The following FHIP1A variants were observed in gnomAD, a reference collection of about 807,000 sequenced individuals.
FHIP1A encodes FHF complex subunit HOOK-interacting protein 1A.
Under a neutral mutation model 88.6 loss-of-function variants are expected in FHIP1A, and 61 were observed. The ratio of observed to expected loss-of-function variants is 0.69; its 90% confidence interval spans 0.56 to 0.85. FHIP1A has a LOEUF of 0.85. Ranked by LOEUF, FHIP1A falls within the 40% of genes least tolerant of loss-of-function variation. The pLI is 0.00. For synonymous variants in FHIP1A, 478 were observed against 496.0 expected, an observed-to-expected ratio of 0.96 and a Z score of 0.48; for missense variants, 1,154 against 1,273.5, an observed-to-expected ratio of 0.91 and a Z score of 1.43.
chr4:151,611,275 T>A (rs148938358), intron 7 of FHIP1A, among the ~76,000 whole-genome samples: 21 of 152,246 alleles, frequency 1.4e-4, no homozygotes, highest in Middle Eastern at 3.4e-3. Flanking sequence ...TGGTACCCAG[T>A]AGGTGCTCTA....
chr4:151,514,187 T>G (rs1406416159), intron 3 of FHIP1A, among the ~76,000 whole-genome samples: 1 of 152,104 alleles, frequency 6.6e-6, no homozygotes. Flanking sequence ...ACTGAACAAC[T>G]TGCTCCTGAA....
intron 8 of FHIP1A, among the ~76,000 whole-genome samples, chr4:151,638,350 TGA>T (rs1209841696): frequency 8.0e-5 from 12 of 149,930 alleles, no homozygotes; most frequent in East Asian, 1.9e-4. Flanking sequence ...TGTGTGTATG[TGA>T]GAGAGAGAGA....
At chr4:151,417,956 G>A (rs929360693) in intron 1 of FHIP1A, among the ~76,000 whole-genome samples, 2 of 151,956 alleles carry the variant, frequency 1.3e-5, no homozygotes, top group Admixed American at 1.3e-4. Context: ...GATTGCTTGA[G>A]GCCAGAAGTT....
At chr4:151,552,001 CA>C (rs1732754020) in intron 3 of FHIP1A, among the ~76,000 whole-genome samples, 1 of 152,080 alleles carries the variant, frequency 6.6e-6, no homozygotes, top group Non-Finnish European at 1.5e-5. Context: ...ACAACCCCAT[CA>C]AAAGGTGGGA....
intron 2 of FHIP1A, among the ~76,000 whole-genome samples, 182 bp from the exon 3 acceptor site, chr4:151,482,342 G>T (rs1432878268): frequency 6.6e-6 from 1 of 151,916 alleles, no homozygotes; most frequent in Non-Finnish European, 1.5e-5. Flanking sequence ...CTAGCATTCA[G>T]ATTTCTAAAT....
At chr4:151,431,386 C>T (rs1208057520) in intron 1 of FHIP1A, among the ~76,000 whole-genome samples, 2 of 152,100 alleles carry the variant, frequency 1.3e-5, no homozygotes, top group Non-Finnish European at 2.9e-5. Flanking sequence ...CTTACATTTG[C>T]ATTAAGCCCC....
intron 1 of FHIP1A, among the ~76,000 whole-genome samples, chr4:151,416,370 A>G (rs1411838094): frequency 6.6e-6 from 1 of 152,122 alleles, no homozygotes; most frequent in Non-Finnish European, 1.5e-5. Flanking sequence ...GTTTGTGTTC[A>G]TGGAACTTTT....
chr4:151,461,085 G>C (rs552888604), intron 2 of FHIP1A, among the ~76,000 whole-genome samples: 2 of 152,210 alleles, frequency 1.3e-5, no homozygotes, highest in Non-Finnish European at 1.5e-5. Flanking sequence ...AATCTGGAGA[G>C]GACAAATAGG....
chr4:151,502,901 C>T (rs1730702482), intron 3 of FHIP1A, among the ~76,000 whole-genome samples: 1 of 152,168 alleles, frequency 6.6e-6, no homozygotes, highest in Admixed American at 6.6e-5. Flanking sequence ...ATTTTCAATA[C>T]AGCTAAAGAA....
At chr4:151,492,942 A>G (rs1730337472) in intron 3 of FHIP1A, among the ~76,000 whole-genome samples, 1 of 152,206 alleles carries the variant, frequency 6.6e-6, no homozygotes, top group Admixed American at 6.5e-5. Flanking sequence ...ACAAGAACAA[A>G]CCAAACCAAA....
chr4:151,597,279 A>G (rs1470382244), intron 7 of FHIP1A, among the ~76,000 whole-genome samples: 1 of 152,096 alleles, frequency 6.6e-6, no homozygotes, highest in Non-Finnish European at 1.5e-5. Context: ...TCTAACAGTC[A>G]GGCCCCTCTG....
chr4:151,518,397 G>A (rs1291238620), intron 3 of FHIP1A, among the ~76,000 whole-genome samples: 2 of 152,082 alleles, frequency 1.3e-5, no homozygotes, highest in Non-Finnish European at 2.9e-5. Flanking sequence ...ACAAAATCAT[G>A]TAAGGATGCG....
chr4:151,530,169 A>G (rs558416155), intron 3 of FHIP1A, among the ~76,000 whole-genome samples: 59 of 152,274 alleles, frequency 3.9e-4, no homozygotes, highest in Middle Eastern at 3.4e-3. Context: ...TGGTTCTTCA[A>G]TTGAGAAGTC....
intron 2 of FHIP1A, among the ~76,000 whole-genome samples, chr4:151,479,318 C>T (rs765939484): frequency 1.3e-5 from 2 of 151,996 alleles, no homozygotes; most frequent in African/African-American, 4.8e-5. Flanking sequence ...CTGTAAAACT[C>T]AGGGATTGCA....
intron 3 of FHIP1A, 82 bp from the exon 4 acceptor site, chr4:151,566,056 G>A (rs1344876127): frequency 4.9e-6 from 2 of 408,652 alleles, no homozygotes; most frequent in East Asian, 4.7e-5. Context: ...GAATGTCTAA[G>A]CTTTGATTTA....
At position 151,668,276 on chromosome 4, in the gene FHIP1A, A is replaced by C. The variant is rs1737735743; in HGVS notation, c.*5522A>C. Among the ~76,000 whole-genome samples, 1 of 152,120 alleles carries C rather than the reference A, an allele frequency of 6.6e-6. No individual in the cohort carries two copies. The highest frequency in any genetic ancestry group is 1.9e-4 in the East Asian group (1 of 5,182). ...ATAGATCTGGTGGCTTTTCCCCAATAGTCACCATGTGGAAACTATGCAACT... is the reference window on the plus strand; with the variant it reads ...ATAGATCTGGTGGCTTTTCCCCAATCGTCACCATGTGGAAACTATGCAACT... On this transcript the variant is annotated 3_prime_UTR_variant, in exon 14 of 14. Coordinates refer to ENST00000435205, the MANE Select transcript of FHIP1A (RefSeq NM_001109977.3).
At chr4:151,562,081 A>G (rs1474239997) in intron 3 of FHIP1A, among the ~76,000 whole-genome samples, 1 of 152,184 alleles carries the variant, frequency 6.6e-6, no homozygotes, top group African/African-American at 2.4e-5. Flanking sequence ...AGCTGGTTAG[A>G]GCTAGAACTA....
At chr4:151,492,676 A>T (rs141846931) in intron 3 of FHIP1A, among the ~76,000 whole-genome samples, 171 of 152,314 alleles carry the variant, frequency 1.1e-3, no homozygotes, top group Admixed American at 1.7e-3. Context: ...ATTAATTCCA[A>T]CAGGAACCCT....
chr4:151,489,461 A>G (rs1371155614), intron 3 of FHIP1A, among the ~76,000 whole-genome samples: 1 of 152,148 alleles, frequency 6.6e-6, no homozygotes, highest in African/African-American at 2.4e-5. Context: ...TGTAGGGTTG[A>G]GGAGTGAACA....
Sources: allele counts gnomAD v4.1 joint callset (sites outside exome capture counted in the v4.1 genomes callset), GRCh38; gene constraint gnomAD v4.1.1; transcripts MANE v1.5; gene names NCBI Gene and HGNC (gene_info 2026-07-23, HGNC 2026-07-21).